IL1RAP: variants seen among roughly 807,000 people sequenced by gnomAD.
IL1RAP encodes interleukin-1 receptor accessory protein.
A neutral mutation model predicts 60.7 loss-of-function variants in IL1RAP; 35 were observed. The ratio of observed to expected loss-of-function variants is 0.58; its 90% confidence interval spans 0.44 to 0.76. The LOEUF is 0.76. IL1RAP is among the 30% of genes least tolerant of loss of function. The pLI, the probability that IL1RAP is intolerant of heterozygous loss-of-function variation, is 0.00. For synonymous variants in IL1RAP, 268 were observed against 250.9 expected, an observed-to-expected ratio of 1.07 and a Z score of -0.64; for missense variants, 572 against 693.9, an observed-to-expected ratio of 0.82 and a Z score of 1.97.
chr3:190,564,216 A>G (rs1336275754), intron 2 of IL1RAP, 73 bp from the exon 3 acceptor site: 1 of 933,426 alleles, frequency 1.1e-6, no homozygotes, highest in East Asian at 2.4e-5. Context: ...AGCAGGCATG[A>G]ATGCTAGTTA....
intron 6 of IL1RAP, 74 bp downstream of exon 6, chr3:190,620,514 A>T (rs954270686): frequency 2.9e-5 from 37 of 1,261,046 alleles, no homozygotes; most frequent in Non-Finnish European, 3.4e-6. Flanking sequence ...AGTTTATTAC[A>T]CACTAGTATG....
At chr3:190,638,067 T>C (rs1201358161) in intron 9 of IL1RAP, among the ~76,000 whole-genome samples, 1 of 152,158 alleles carries the variant, frequency 6.6e-6, no homozygotes, top group Non-Finnish European at 1.5e-5. Flanking sequence ...TGGGTTGTTA[T>C]CAGTTTTGGG....
chr3:190,532,513 C>T (rs1043657855), intron 1 of IL1RAP, among the ~76,000 whole-genome samples: 2 of 152,248 alleles, frequency 1.3e-5, no homozygotes, highest in South Asian at 2.1e-4. Context: ...CTGCCCGCCT[C>T]GGCCTCCCAA....
At chr3:190,632,124 T>C (rs932148065) in intron 9 of IL1RAP, among the ~76,000 whole-genome samples, 1 of 152,184 alleles carries the variant, frequency 6.6e-6, no homozygotes, top group South Asian at 2.1e-4. Context: ...AATAACAGCA[T>C]GAAAAGGACT....
intron 1 of IL1RAP, among the ~76,000 whole-genome samples, chr3:190,526,887 C>T (rs1026048302): frequency 6.6e-6 from 1 of 152,250 alleles, no homozygotes; most frequent in Non-Finnish European, 1.5e-5. Flanking sequence ...CAGGGCTCAT[C>T]CTGGCATCCT....
chr3:190,531,743 T>C (rs982027198), intron 1 of IL1RAP, among the ~76,000 whole-genome samples: 30 of 152,166 alleles, frequency 2.0e-4, no homozygotes, highest in Admixed American at 1.9e-3. Context: ...CTCCATTCAA[T>C]GCACCCTTGC....
intron 3 of IL1RAP, among the ~76,000 whole-genome samples, chr3:190,577,584 G>A (rs1323589008): frequency 6.6e-6 from 1 of 152,202 alleles, no homozygotes; most frequent in Non-Finnish European, 1.5e-5. Flanking sequence ...ATCTTGCTCT[G>A]TTACCTAGGC....
chr3:190,643,030 T>C (rs546516159), intron 9 of IL1RAP, among the ~76,000 whole-genome samples: 1 of 152,344 alleles, frequency 6.6e-6, no homozygotes, highest in African/African-American at 2.4e-5. Context: ...GTGGAAATGT[T>C]CATTGAGATA....
intron 1 of IL1RAP, among the ~76,000 whole-genome samples, chr3:190,535,259 C>T (rs765281306): frequency 8.5e-5 from 13 of 152,248 alleles, no homozygotes; most frequent in Non-Finnish European, 1.5e-4. Context: ...AATGTGCTTT[C>T]AAGTACACTG....
At chr3:190,607,490 C>T (rs759999136) in intron 4 of IL1RAP, among the ~76,000 whole-genome samples, 19 of 151,990 alleles carry the variant, frequency 1.3e-4, no homozygotes, top group African/African-American at 1.9e-4. Flanking sequence ...GATAAGCGTA[C>T]GTATCTATAA....
intron 3 of IL1RAP, among the ~76,000 whole-genome samples, chr3:190,597,219 G>T (rs1305996931): frequency 2.0e-5 from 3 of 152,142 alleles, no homozygotes; most frequent in Non-Finnish European, 4.4e-5. Context: ...AAATCTTGGT[G>T]ATTGACTTGT....
intron 1 of IL1RAP, among the ~76,000 whole-genome samples, chr3:190,553,924 A>G (rs541249280): frequency 1.4e-3 from 213 of 150,932 alleles, no homozygotes; most frequent in Non-Finnish European, 2.1e-3. Flanking sequence ...AGCCGGGCGT[A>G]GTGGCGGGCG....
chr3:190,579,046 T>C (rs1727754542), intron 3 of IL1RAP, among the ~76,000 whole-genome samples: 1 of 152,230 alleles, frequency 6.6e-6, no homozygotes, highest in African/African-American at 2.4e-5. Context: ...ACCCTGATTC[T>C]TACCAACTTT....
intron 4 of IL1RAP, among the ~76,000 whole-genome samples, chr3:190,608,667 A>G (rs28419411): frequency 0.66 from 100,463 of 152,088 alleles, 34,293 homozygotes; most frequent in East Asian, 0.82. Flanking sequence ...ATTTTATGAA[A>G]CCACCATCAC....
chr3:190,583,611 G>A (rs183903074), intron 3 of IL1RAP, among the ~76,000 whole-genome samples: 53 of 152,302 alleles, frequency 3.5e-4, no homozygotes, highest in African/African-American at 1.2e-3. Flanking sequence ...CGCAAGGTAC[G>A]AAGTGGTTAG....
downstream of IL1RAP, chr3:190,655,882 C>T (rs1734603639): frequency 6.5e-7 from 1 of 1,529,060 alleles, no homozygotes; most frequent in Non-Finnish European, 8.8e-7. Context: ...TTTCCATTTT[C>T]CTATAGATAC....
chr3:190,569,050 A>G (rs911053604), intron 3 of IL1RAP, among the ~76,000 whole-genome samples: 3 of 152,210 alleles, frequency 2.0e-5, no homozygotes, highest in African/African-American at 7.2e-5. Flanking sequence ...GAAGAAACGC[A>G]TCTCTTATTT....
At chr3:190,621,489 C>T (rs1402908972) in intron 6 of IL1RAP, among the ~76,000 whole-genome samples, 1 of 152,160 alleles carries the variant, frequency 6.6e-6, no homozygotes, top group African/African-American at 2.4e-5. Context: ...TTCATCTTAG[C>T]AGTTGTTTCT....
At chr3:190,552,113 A>G (rs1352049401) in intron 1 of IL1RAP, among the ~76,000 whole-genome samples, 2 of 152,180 alleles carry the variant, frequency 1.3e-5, no homozygotes, top group African/African-American at 4.8e-5. Flanking sequence ...TTTTGTAACT[A>G]AAGTTTGATT....
Sources: allele counts gnomAD v4.1 joint callset (sites outside exome capture counted in the v4.1 genomes callset), GRCh38; gene constraint gnomAD v4.1.1; transcripts MANE v1.5; gene names NCBI Gene and HGNC (gene_info 2026-07-23, HGNC 2026-07-21).